MEGF10: variants seen among roughly 807,000 people sequenced by gnomAD.
MEGF10 encodes multiple epidermal growth factor-like domains protein 10.
A neutral mutation model predicts 147.5 loss-of-function variants in MEGF10; 86 were observed. The ratio of observed to expected loss-of-function variants is 0.58; its 90% CI spans 0.49 to 0.70. The LOEUF (loss-of-function observed/expected upper bound fraction) is 0.70. Ranked by LOEUF, MEGF10 falls within the 30% of genes least tolerant of loss-of-function variation. MEGF10 has a pLI of 0.00. For missense variants in MEGF10, 1,329 were observed against 1,487.3 expected (o/e 0.89, Z 1.75); for synonymous variants, 478 against 525.5 (o/e 0.91, Z 1.24).
chr5:127,254,379 A>G, the MEGF10 span, among the ~76,000 whole-genome samples: 5 of 152,184 alleles, frequency 3.3e-5, no homozygotes, highest in Non-Finnish European at 7.3e-5. Context: ...ATATTCTACA[A>G]TTTCCTTTTA....
At chr5:127,239,461 A>ATAT in the MEGF10 span, among the ~76,000 whole-genome samples, 1 of 131,318 alleles carries the variant, frequency 7.6e-6, no homozygotes, top group East Asian at 2.1e-4. Flanking sequence ...TTATATATAA[A>ATAT]ATATATATAT....
intron 5 of MEGF10, among the ~76,000 whole-genome samples, chr5:127,376,704 A>G (rs1763043010): frequency 6.6e-6 from 1 of 152,260 alleles, no homozygotes; most frequent in Admixed American, 6.5e-5. Context: ...TGCAATCATC[A>G]TTATAAGAGC....
the MEGF10 span, among the ~76,000 whole-genome samples, chr5:127,281,835 C>A: frequency 6.6e-6 from 1 of 152,222 alleles, no homozygotes; most frequent in South Asian, 2.1e-4. Context: ...AGTTCTTCTG[C>A]CCCCTCCACC....
chr5:127,242,502 A>G, the MEGF10 span, among the ~76,000 whole-genome samples: 1 of 152,222 alleles, frequency 6.6e-6, no homozygotes, highest in African/African-American at 2.4e-5. Flanking sequence ...TTTTGTTTGT[A>G]TAAGTTCGGA....
intron 1 of MEGF10, among the ~76,000 whole-genome samples, chr5:127,318,721 C>T (rs1213223029): frequency 6.6e-6 from 1 of 152,034 alleles, no homozygotes; most frequent in Non-Finnish European, 1.5e-5. Flanking sequence ...ACGTAATTGG[C>T]TGAGAATGAG....
intron 1 of MEGF10, among the ~76,000 whole-genome samples, chr5:127,297,289 G>A (rs1759546230): frequency 6.6e-6 from 1 of 152,160 alleles, no homozygotes; most frequent in South Asian, 2.1e-4. Flanking sequence ...TTTATTAGCT[G>A]TGTAGGGCAT....
rs1761586716 is a variant in MEGF10, at chr5:127,339,274, A to G, written c.218+53A>G. On this transcript the variant is annotated intron_variant, in intron 3 of 24. Transcript: ENST00000503335. ...GTTTGGCTAACTGGGAATAGATTCT[A>G]ATACAGAGATATTAATGACAGCAGA... 7 of 1,212,002 alleles carry G rather than the reference A, an allele frequency of 5.8e-6. No homozygotes were observed. The South Asian group carries it at 6.2e-5, about 11-fold the overall frequency. The allele number at this position is 1,212,002 out of a possible 1,614,324, so 75.1% of individuals were successfully genotyped here.
rs148705070 is a variant in MEGF10 at position 127,420,125 on chromosome 5, A to G, written c.1508A>G (p.Asn503Ser). 6.8e-6 allele frequency: 11 copies of G among 1,614,108 alleles called. No individual in the cohort carries two copies. The highest frequency in any genetic ancestry group is 5.3e-5 in the African/African-American group (4 of 74,936). Residue 503 changes from asparagine (N) to serine (S), a missense_variant, in exon 12 of 25, where the codon AAC becomes AGC. This residue lies in a region of MEGF10 where 980 missense variants were observed against 1,085.9 expected (regional missense o/e 0.90). Transcript: ENST00000503335. Reference sequence around the variant, plus strand: ...TGTAACTTAACATGCCAGTGCCTCAACGGGGGAGCCTGCAACACCCTGGAC... The same window carrying G: ...TGTAACTTAACATGCCAGTGCCTCAGCGGGGGAGCCTGCAACACCCTGGAC... ...FGCNLTCQCLNGGACNTLDGT... is the reference protein window; with the variant it reads ...FGCNLTCQCLSGGACNTLDGT...
rs1489158060 is a variant in MEGF10 at position 127,401,596 on chromosome 5, G to A, written c.781-950G>A. On this transcript the variant is annotated intron_variant, in intron 7 of 24. Transcript: ENST00000503335. ...CACAGTCTGCCTTTTTTTAGAGAGAGGGAGGACAGAGCAACAGCTTCCAAT... is the reference window on the plus strand; with the variant it reads ...CACAGTCTGCCTTTTTTTAGAGAGAAGGAGGACAGAGCAACAGCTTCCAAT... Among the ~76,000 whole-genome samples the A allele has an allele frequency of 3.9e-5, 6 of 152,120 alleles. No homozygotes were observed. The South Asian group carries it at 1.0e-3, about 26-fold the overall frequency.
At chr5:127,311,728 A>G (rs1275430931) in intron 1 of MEGF10, among the ~76,000 whole-genome samples, 1 of 152,236 alleles carries the variant, frequency 6.6e-6, no homozygotes, top group African/African-American at 2.4e-5. Flanking sequence ...TAGTTTAATT[A>G]GTAGATCCCT....
intron 17 of MEGF10, 131 bp downstream of exon 17, chr5:127,438,698 C>T (rs1765646099): frequency 1.2e-6 from 1 of 863,122 alleles, no homozygotes; most frequent in Non-Finnish European, 1.7e-6. Flanking sequence ...TCCTAATGAC[C>T]TGTAGACATA....
intron 5 of MEGF10, among the ~76,000 whole-genome samples, chr5:127,387,351 T>G (rs1179430460): frequency 6.6e-6 from 1 of 152,246 alleles, no homozygotes; most frequent in African/African-American, 2.4e-5. Flanking sequence ...CTTGTTTTTT[T>G]GTCAATACCT....
At position 127,319,106 on chromosome 5, in the gene MEGF10, G is replaced by A. The variant is rs1760689374; in HGVS notation, c.-18-12185G>A. 2.3e-5 allele frequency among the ~76,000 whole-genome samples: 3 copies of A among 128,078 alleles called. No homozygotes were observed. In the South Asian group the frequency reaches 7.8e-4, roughly 33 times the overall value. The allele number at this position is 128,078 out of a possible 152,430, so 84.0% of individuals were successfully genotyped here. ...CTCTCTTCCTTTCTTGATAGAGTCT[G>A]GCTCTGTTGCCCAGGCTGGAGTGCA... On this transcript the variant is annotated intron_variant, in intron 1 of 24. Transcript: ENST00000503335.
intron 8 of MEGF10, among the ~76,000 whole-genome samples, chr5:127,408,739 T>A (rs1176583567): frequency 6.6e-6 from 1 of 152,164 alleles, no homozygotes; most frequent in Non-Finnish European, 1.5e-5. Flanking sequence ...CTTTTCCTTG[T>A]CTCCATCACA....
chr5:127,276,906 A>G, the MEGF10 span, among the ~76,000 whole-genome samples: 1 of 152,090 alleles, frequency 6.6e-6, no homozygotes, highest in African/African-American at 2.4e-5. Flanking sequence ...AATACTGAAT[A>G]AGAAGGCTCA....
At chr5:127,398,351 A>G (rs771017908) in intron 6 of MEGF10, among the ~76,000 whole-genome samples, 2 of 152,200 alleles carry the variant, frequency 1.3e-5, no homozygotes, top group Non-Finnish European at 2.9e-5. Flanking sequence ...AAACTGGAGC[A>G]CAAGCGCTTT....
the MEGF10 span, among the ~76,000 whole-genome samples, chr5:127,233,520 G>A: frequency 6.6e-6 from 1 of 152,300 alleles, no homozygotes; most frequent in Admixed American, 6.5e-5. Context: ...TGGAATAGGA[G>A]ACGAAAACAC....
chr5:127,437,181 G>C (rs370296032), intron 16 of MEGF10, among the ~76,000 whole-genome samples: 1 of 152,166 alleles, frequency 6.6e-6, no homozygotes, highest in Non-Finnish European at 1.5e-5. Flanking sequence ...CATCAAATGG[G>C]CTAGACGCTT....
chr5:127,295,498 A>G (rs1759453470), intron 1 of MEGF10, among the ~76,000 whole-genome samples: 1 of 152,142 alleles, frequency 6.6e-6, no homozygotes, highest in South Asian at 2.1e-4. Flanking sequence ...TAATTTTCCC[A>G]TTTCCCATTC....
Sources: gnomAD v4.1 joint callset for allele counts (sites outside exome capture counted in the v4.1 genomes callset) on GRCh38, gnomAD v4.1.1 for gene constraint, gnomAD v4.1.1 regional missense constraint, MANE v1.5 for transcripts, NCBI Gene and HGNC (gene_info 2026-07-23, HGNC 2026-07-21) for gene names.